The following EDIL3 variants were observed in gnomAD, a reference collection of about 807,000 sequenced individuals.
EDIL3 encodes EGF like and discoidin domains 3, also known as EGF-like repeat and discoidin I-like domain-containing protein 3.
A neutral mutation model predicts 67.4 loss-of-function variants in EDIL3; 37 were observed. The observed-to-expected ratio is 0.55, with a 90% CI of 0.42 to 0.72. The LOEUF (loss-of-function observed/expected upper bound fraction) is 0.72, where lower values mean the gene tolerates loss of function less well. Ranked by LOEUF, EDIL3 falls within the 30% of genes least tolerant of loss-of-function variation. The pLI is 0.00. For missense variants in EDIL3, 527 were observed against 586.3 expected (o/e 0.90, Z 1.04); for synonymous variants, 195 against 196.3 (o/e 0.99, Z 0.05).
chr5:84,075,277 C>T (rs1042093718), intron 6 of EDIL3, among the ~76,000 whole-genome samples: 2 of 151,810 alleles, frequency 1.3e-5, no homozygotes, highest in African/African-American at 4.8e-5. Context: ...TGCAGCACAC[C>T]AGCATGGCAC....
intron 1 of EDIL3, among the ~76,000 whole-genome samples, chr5:84,268,648 G>C (rs559995886): frequency 6.6e-6 from 1 of 152,164 alleles, no homozygotes. Flanking sequence ...GTTTCACTTA[G>C]CATCTTTGAT....
intron 1 of EDIL3, among the ~76,000 whole-genome samples, chr5:84,277,700 C>T (rs1467182190): frequency 3.3e-5 from 5 of 152,070 alleles, no homozygotes; most frequent in African/African-American, 1.2e-4. Context: ...ACCAACTTAT[C>T]ATAGACATAT....
intron 6 of EDIL3, among the ~76,000 whole-genome samples, chr5:84,087,022 G>T (rs749825491): frequency 3.9e-5 from 6 of 152,104 alleles, no homozygotes; most frequent in Non-Finnish European, 8.8e-5. Flanking sequence ...ATATGCCTTT[G>T]ACCATTTGAG....
intron 2 of EDIL3, among the ~76,000 whole-genome samples, chr5:84,232,983 T>C (rs1221693880): frequency 6.6e-6 from 1 of 152,160 alleles, no homozygotes; most frequent in African/African-American, 2.4e-5. Context: ...GATTATTCTC[T>C]CTTCCTCTCA....
intron 1 of EDIL3, among the ~76,000 whole-genome samples, chr5:84,276,959 G>A (rs1745595059): frequency 6.6e-6 from 1 of 151,986 alleles, no homozygotes; most frequent in African/African-American, 2.4e-5. Context: ...ACTACATCAG[G>A]CATCTTTTAA....
At chr5:84,358,262 T>C (rs1422517038) in intron 1 of EDIL3, among the ~76,000 whole-genome samples, 16 of 152,190 alleles carry the variant, frequency 1.1e-4, no homozygotes, top group Admixed American at 1.0e-3. Flanking sequence ...GCTAAGGATA[T>C]GTAATCTATA....
intron 9 of EDIL3, among the ~76,000 whole-genome samples, chr5:84,030,877 C>T (rs954437903): frequency 6.6e-6 from 1 of 152,094 alleles, no homozygotes; most frequent in African/African-American, 2.4e-5. Context: ...TACTAGTGTG[C>T]TAGGGCTGCC....
At chr5:84,148,034 A>G (rs889411131) in intron 4 of EDIL3, among the ~76,000 whole-genome samples, 1 of 152,134 alleles carries the variant, frequency 6.6e-6, no homozygotes, top group African/African-American at 2.4e-5. Context: ...ATTATCTTAT[A>G]CTTCTAAAGC....
At chr5:84,267,618 G>A (rs1436013080) in intron 1 of EDIL3, among the ~76,000 whole-genome samples, 1 of 152,174 alleles carries the variant, frequency 6.6e-6, no homozygotes, top group Non-Finnish European at 1.5e-5. Context: ...CATCATTTGA[G>A]TTGAGAGTGA....
chr5:84,262,677 T>TTTTTTTTTTA (rs1745255901), intron 1 of EDIL3, among the ~76,000 whole-genome samples: 1 of 121,818 alleles, frequency 8.2e-6, no homozygotes, highest in Admixed American at 9.1e-5. Flanking sequence ...TTTTTTTTTT[T>TTTTTTTTTTA]TTTTTTTTTT....
chr5:84,236,168 A>G (rs1744678279), intron 2 of EDIL3, among the ~76,000 whole-genome samples: 2 of 152,078 alleles, frequency 1.3e-5, no homozygotes, highest in African/African-American at 4.8e-5. Flanking sequence ...TTTGGGTTCA[A>G]TTTTTGCCAC....
chr5:84,240,278 A>T (rs971395333), intron 2 of EDIL3, among the ~76,000 whole-genome samples: 1 of 152,242 alleles, frequency 6.6e-6, no homozygotes, highest in Non-Finnish European at 1.5e-5. Flanking sequence ...AATGCTGTTC[A>T]GATAAGAGCT....
intron 9 of EDIL3, among the ~76,000 whole-genome samples, chr5:83,982,338 A>C (rs1048879139): frequency 6.6e-6 from 1 of 152,128 alleles, no homozygotes; most frequent in African/African-American, 2.4e-5. Flanking sequence ...TAAAATTAAT[A>C]GATCTATATT....
Position 84,010,414 on chromosome 5 carries a change from G to A in EDIL3, c.1138-47054C>T, listed in dbSNP as rs987367971. 2.6e-5 allele frequency among the ~76,000 whole-genome samples: 4 copies of A among 152,098 alleles called. No individual in the cohort carries two copies. In the East Asian group the frequency reaches 5.8e-4, roughly 22 times the overall value. On this transcript the variant is annotated intron_variant, in intron 9 of 10. Coordinates refer to ENST00000296591, the MANE Select transcript of EDIL3 (RefSeq NM_005711.5). ...CTTCCCTATCATACTGTGCAAGGCT[G>A]CTAATTTTCTCCAGTTTTGTTCTAT...
At chr5:84,212,406 A>G (rs956766467) in intron 3 of EDIL3, among the ~76,000 whole-genome samples, 2 of 152,228 alleles carry the variant, frequency 1.3e-5, no homozygotes, top group Non-Finnish European at 2.9e-5. Context: ...TTAGGGATAG[A>G]AATTACTGCT....
In EDIL3 at chr5:84,067,449, T is replaced by C. The variant is rs1203506166; in HGVS notation, c.652-843A>G. 2.0e-5 allele frequency among the ~76,000 whole-genome samples: 3 copies of C among 152,174 alleles called. No homozygotes were observed. The East Asian group carries it at 5.8e-4, about 29-fold the overall frequency. The stretch of plus-strand genomic sequence containing the variant: ...TTAAAATTTCACATATTGTAAACAT[T>C]AAAATTAAAATGCCTTTATGATGTC... On this transcript the variant is annotated intron_variant, in intron 6 of 10. Transcript: ENST00000296591.
At chr5:84,305,814 G>A (rs1746255098) in intron 1 of EDIL3, among the ~76,000 whole-genome samples, 2 of 152,062 alleles carry the variant, frequency 1.3e-5, no homozygotes. Context: ...AGGAGGCAGA[G>A]GTTGCAGTGA....
At chr5:84,121,408 C>A (rs1174832189) in intron 5 of EDIL3, among the ~76,000 whole-genome samples, 1 of 151,912 alleles carries the variant, frequency 6.6e-6, no homozygotes, top group Non-Finnish European at 1.5e-5. Context: ...CTAGCCAATT[C>A]TGTTGTAGCC....
chr5:84,181,808 T>C (rs538073490), intron 3 of EDIL3, among the ~76,000 whole-genome samples: 1 of 152,270 alleles, frequency 6.6e-6, no homozygotes, highest in Non-Finnish European at 1.5e-5. Context: ...TTTTCTCTAA[T>C]TTAGTCTGTA....
Sources: allele counts gnomAD v4.1 joint callset (sites outside exome capture counted in the v4.1 genomes callset), GRCh38; gene constraint gnomAD v4.1.1; transcripts MANE v1.5; gene names NCBI Gene and HGNC (gene_info 2026-07-23, HGNC 2026-07-21).